The following SLC14A2 variants were observed in gnomAD, a reference collection of about 807,000 sequenced individuals.
The protein encoded by SLC14A2 is urea transporter 2.
A neutral mutation model predicts 104.6 loss-of-function variants in SLC14A2; 91 were observed. The ratio of observed to expected loss-of-function variants is 0.87; its 90% confidence interval spans 0.73 to 1.04. SLC14A2 has a LOEUF of 1.04. Among genes scored for constraint, SLC14A2 ranks in the 50% least tolerant of loss-of-function variants. The pLI is 0.00. For synonymous variants in SLC14A2, 476 were observed against 466.4 expected (o/e 1.02, Z -0.27); for missense variants, 1,189 against 1,156.0 (o/e 1.03, Z -0.41).
At chr18:45,176,019 A>G in the SLC14A2 span, among the ~76,000 whole-genome samples, 1 of 152,184 alleles carries the variant, frequency 6.6e-6, no homozygotes, top group Non-Finnish European at 1.5e-5. Flanking sequence ...GAAGAAACGG[A>G]ATGGAGAATA....
the SLC14A2 span, among the ~76,000 whole-genome samples, chr18:45,198,131 T>C: frequency 3.1e-3 from 476 of 152,296 alleles, 3 homozygotes; most frequent in African/African-American, 0.011. Flanking sequence ...CTGGGTGCTT[T>C]GGAGTTAATG....
At chr18:45,409,285 G>A (rs2086188991) in intron 1 of SLC14A2, among the ~76,000 whole-genome samples, 3 of 152,178 alleles carry the variant, frequency 2.0e-5, no homozygotes, top group Admixed American at 2.0e-4. Flanking sequence ...AAGAGAGTGT[G>A]ATGTATGTGT....
At chr18:45,527,332 G>A (rs1235775883) in intron 2 of SLC14A2, among the ~76,000 whole-genome samples, 1 of 152,122 alleles carries the variant, frequency 6.6e-6, no homozygotes, top group Non-Finnish European at 1.5e-5. Context: ...TAGGAGTAAA[G>A]TTGCCTTTAT....
chr18:45,506,488 CAAGTT>C (rs1433059783), intron 2 of SLC14A2, among the ~76,000 whole-genome samples: 3 of 152,056 alleles, frequency 2.0e-5, no homozygotes, highest in East Asian at 3.9e-4. Flanking sequence ...TTTTTGCAGA[CAAGTT>C]AAGGCTCTCC....
intron 4 of SLC14A2, among the ~76,000 whole-genome samples, chr18:45,630,108 C>T (rs966874655): frequency 6.6e-6 from 1 of 152,114 alleles, no homozygotes; most frequent in Non-Finnish European, 1.5e-5. Flanking sequence ...TTTTTTGATT[C>T]TTCTTTCTCT....
intron 1 of SLC14A2, among the ~76,000 whole-genome samples, chr18:45,277,928 T>A (rs2084720187): frequency 6.6e-6 from 1 of 152,202 alleles, no homozygotes; most frequent in Non-Finnish European, 1.5e-5. Flanking sequence ...TGTGGATTTC[T>A]CCCAGTAAGT....
rs553935732 is a variant in SLC14A2, at chr18:45,257,694, G to A, written c.-125+44503G>A. ...CCATTTCTCCAACCTCATAGAGGAG[G>A]TTCCCCAAAGTGTGCCCTGCGGAGA... On this transcript the variant is annotated intron_variant, in intron 1 of 20. Transcript: ENST00000586448. Among the ~76,000 whole-genome samples the A allele has an allele frequency of 1.8e-4, 27 of 152,212 alleles. No homozygotes were observed. In the South Asian group the frequency reaches 5.6e-3, roughly 32 times the overall value.
intron 1 of SLC14A2, among the ~76,000 whole-genome samples, chr18:45,301,917 T>C (rs1304436335): frequency 6.6e-6 from 1 of 152,192 alleles, no homozygotes; most frequent in Non-Finnish European, 1.5e-5. Context: ...TATCCTCCTC[T>C]TTTTTAGGTC....
At chr18:45,239,356 T>C (rs914818769) in intron 1 of SLC14A2, among the ~76,000 whole-genome samples, 6 of 152,236 alleles carry the variant, frequency 3.9e-5, no homozygotes, top group African/African-American at 1.4e-4. Context: ...GCTTTGTTGA[T>C]ATGAATTTTC....
intron 1 of SLC14A2, among the ~76,000 whole-genome samples, chr18:45,215,059 T>C (rs532412345): frequency 6.6e-6 from 1 of 152,232 alleles, no homozygotes; most frequent in South Asian, 2.1e-4. Flanking sequence ...CAGGGAAGGC[T>C]GTAGGAATGA....
At chr18:45,457,650 G>C (rs1056343615) in intron 1 of SLC14A2, among the ~76,000 whole-genome samples, 1 of 149,522 alleles carries the variant, frequency 6.7e-6, no homozygotes, top group African/African-American at 2.5e-5. Flanking sequence ...TTGGGGACCA[G>C]GACATTGTGA....
intron 1 of SLC14A2, among the ~76,000 whole-genome samples, chr18:45,371,818 C>A (rs1332617068): frequency 6.6e-6 from 1 of 152,172 alleles, no homozygotes; most frequent in African/African-American, 2.4e-5. Context: ...TTTCCAAATA[C>A]TAAACTTTCT....
At chr18:45,611,459 C>A (rs1653059470), upstream of SLC14A2, among the ~76,000 whole-genome samples, 1 of 152,190 alleles carries the variant, frequency 6.6e-6, no homozygotes, top group Non-Finnish European at 1.5e-5. Flanking sequence ...AGAAGTGCAT[C>A]CTCACCAAAA....
intron 2 of SLC14A2, chr18:45,490,027 C>G (rs1023325328): frequency 6.6e-6 from 1 of 152,150 alleles, no homozygotes; most frequent in East Asian, 1.9e-4. Context: ...AGGCTGGAAA[C>G]TAGATCTTTG....
chr18:45,534,948 A>G (rs749563740), intron 2 of SLC14A2, among the ~76,000 whole-genome samples: 19 of 152,192 alleles, frequency 1.2e-4, no homozygotes, highest in Non-Finnish European at 2.5e-4. Context: ...TAAAATCTCA[A>G]TTTACTGGAA....
At chr18:45,363,153 C>T (rs1012168399) in intron 1 of SLC14A2, among the ~76,000 whole-genome samples, 2 of 152,114 alleles carry the variant, frequency 1.3e-5, no homozygotes, top group African/African-American at 4.8e-5. Context: ...TCCAAAATAC[C>T]TTGAATAGTC....
At chr18:45,302,623 C>T (rs1269006732) in intron 1 of SLC14A2, among the ~76,000 whole-genome samples, 4 of 152,104 alleles carry the variant, frequency 2.6e-5, no homozygotes, top group African/African-American at 9.7e-5. Context: ...ATTTGTCAAT[C>T]CTGAGTTCGG....
rs1555696658 is a variant in SLC14A2 at position 45,494,911 on chromosome 18, C to CATAT, written c.-35+11590_-35+11591insTATA. On this transcript the variant is annotated intron_variant, in intron 2 of 20. Transcript: ENST00000586448. The stretch of plus-strand genomic sequence containing the variant: ...ACAGAATCGGGTCATCACACACACA[C>CATAT]ACATACACACACACACACACACACA... Among the ~76,000 whole-genome samples, 3 of 85,762 alleles carry CATAT rather than the reference C, an allele frequency of 3.5e-5. No homozygotes were observed. In the East Asian group the frequency reaches 9.0e-4, roughly 26 times the overall value. 56.3% of individuals were successfully genotyped at this position (85,762 alleles called of 152,430 possible).
the SLC14A2 span, among the ~76,000 whole-genome samples, chr18:45,181,571 A>T: frequency 6.6e-6 from 1 of 152,216 alleles, no homozygotes; most frequent in Non-Finnish European, 1.5e-5. Context: ...CTCTTGGTTT[A>T]TAAAATTCCC....
Sources: gnomAD v4.1 joint callset for allele counts (sites outside exome capture counted in the v4.1 genomes callset) on GRCh38, gnomAD v4.1.1 for gene constraint, MANE v1.5 for transcripts, NCBI Gene and HGNC (gene_info 2026-07-23, HGNC 2026-07-21) for gene names.